NACA: variants seen among roughly 807,000 people sequenced by gnomAD.
NACA encodes the protein nascent polypeptide-associated complex subunit alpha.
In NACA, 42 loss-of-function variants were observed where a neutral mutation model predicts 86.4. The ratio of observed to expected loss-of-function variants is 0.49; its 90% CI spans 0.38 to 0.63. The LOEUF is 0.63. NACA is among the 20% of genes least tolerant of loss of function. The pLI, the probability that NACA is intolerant of heterozygous loss-of-function variation, is 0.00. For synonymous variants in NACA, 898 were observed against 973.7 expected (o/e 0.92, Z 1.45); for missense variants, 2,157 against 2,483.6 (o/e 0.87, Z 2.80).
chr12:56,717,137 G>A lies in NACA; in HGVS notation c.4393C>T (p.Pro1465Ser), dbSNP rs1164857640. Residue 1465 changes from proline (P) to serine (S), a missense_variant, in exon 3 of 9, where the codon CCC becomes TCC. This residue lies in a region of NACA where 797 missense variants were observed against 777.6 expected (regional missense o/e 1.02). Transcript: ENST00000454682. ...GPATPSSKGD[P>S]TLPAVTPPSP... Reference sequence around the variant, plus strand: ...GGAGGAGTCACTGCTGGGAGGGTGGGATCCCCTTTGGAGGATGGGGTAGCT... The same window carrying A: ...GGAGGAGTCACTGCTGGGAGGGTGGAATCCCCTTTGGAGGATGGGGTAGCT... 8.0e-7 allele frequency: 1 copy of A among 1,252,104 alleles called. No homozygotes were observed. Among genetic ancestry groups the A allele is most frequent in the East Asian group, 4.1e-5 (1 of 24,282 alleles). The allele number at this position is 1,252,104 out of a possible 1,614,324, so 77.6% of individuals were successfully genotyped here.
rs535034188 is a variant in NACA at position 56,720,480 on chromosome 12, A to G, written c.1050T>C (p.Tyr350=). ...GAGGAATTACAGATCTCTGAGAAGG[A>G]TAAGAGGCCCCTGTGGAAGAATGAT... ...SVDHSSTGAS[Y]PSQRSVIPPL... The change falls in exon 3 of 9, where the codon TAT becomes TAC. Residue 350 remains tyrosine, a synonymous_variant. Transcript: ENST00000454682. 7 of 1,613,806 alleles carry G rather than the reference A, an allele frequency of 4.3e-6. 1 individual carries two copies. In the South Asian group the frequency reaches 5.5e-5, roughly 13 times the overall value.
At chr12:56,714,223 C>T in intron 5 of NACA, 139 bp downstream of exon 5, 1 of 795,250 alleles carries the variant, frequency 1.3e-6, no homozygotes, top group Non-Finnish European at 2.0e-6. Flanking sequence ...ACAGGTGCAC[C>T]AAAATCTCAA....
rs945230178 is a variant in NACA at position 56,720,712 on chromosome 12, G to A, written c.818C>T (p.Pro273Leu). The change falls in exon 3 of 9, where the codon CCT becomes CTT. Residue 273 changes from proline (P) to leucine (L), a missense_variant. Around this residue, in one of 8 missense-constraint regions of NACA, gnomAD observed 947 missense variants for 917.9 expected, o/e 1.03. Transcript: ENST00000454682. Reference sequence around the variant, plus strand: ...CTGAGTTGAAAGAGATAAGGCAGCAGGTGGACTAACAGGCCCCTTCAGGCT... The same window carrying A: ...CTGAGTTGAAAGAGATAAGGCAGCAAGTGGACTAACAGGCCCCTTCAGGCT... Reference protein sequence around the residue: ...SLSLKGPVSPPAALSLSTQSL... With the variant: ...SLSLKGPVSPLAALSLSTQSL... 5.6e-6 allele frequency: 9 copies of A among 1,613,850 alleles called. No individual in the cohort carries two copies. Among genetic ancestry groups the A allele is most frequent in the East Asian group, 2.2e-5 (1 of 44,902 alleles).
chr12:56,719,338 G>T lies in NACA; in HGVS notation c.2192C>A (p.Pro731Gln). The change falls in exon 3 of 9, where the codon CCA (proline) becomes CAA (glutamine). Residue 731 changes from proline to glutamine, a missense_variant. Transcript: ENST00000454682. The part of the protein sequence containing the change: ...LATLVLAPEI[P>Q]KSVPSPSLPP... The stretch of plus-strand genomic sequence containing the variant: ...AAGAGAGGGTGAGGGCACAGACTTT[G>T]GGATTTCAGGGGCCAGCACTAAGGT... 18 of 1,607,448 alleles carry T rather than the reference G, an allele frequency of 1.1e-5. No homozygotes were observed. Among genetic ancestry groups the T allele is most frequent in the Non-Finnish European group, 1.4e-5 (17 of 1,176,476 alleles).
chr12:56,723,983 A>G (rs1013688291), intron 2 of NACA, among the ~76,000 whole-genome samples: 3 of 152,212 alleles, frequency 2.0e-5, no homozygotes, highest in Non-Finnish European at 4.4e-5. Flanking sequence ...TCTGGGGCCC[A>G]GTAGGACACA....
At chr12:56,714,848 CT>C in intron 3 of NACA, 161 bp from the exon 4 acceptor site, 1 of 647,576 alleles carries the variant, frequency 1.5e-6, no homozygotes, top group East Asian at 2.7e-5. Context: ...TAGCCCCTAA[CT>C]TAGTCACTAA....
chr12:56,724,396 A>G, intron 2 of NACA, 56 bp downstream of exon 2: 1 of 1,534,398 alleles, frequency 6.5e-7, no homozygotes, highest in African/African-American at 1.4e-5. Context: ...CATTTTGCCC[A>G]CCAAATGGCT....
At position 56,714,636 on chromosome 12, in the gene NACA, T is replaced by C. The variant is rs1953301169; in HGVS notation, c.5711A>G (p.Gln1904Arg). ...SDESVPELEE[Q>R]DSTQATTQQA... is the part of the protein sequence containing the mutation. ...TTGTGTGGTTGCCTGGGTGGAATCCTGTTCTTCAAGCTCTGGTACTGATTC... is the reference window on the plus strand; with the variant it reads ...TTGTGTGGTTGCCTGGGTGGAATCCCGTTCTTCAAGCTCTGGTACTGATTC... Residue 1904 changes from glutamine to arginine, a missense_variant, in exon 4 of 9, where the codon CAG (glutamine) becomes CGG (arginine). Around this residue, in one of 8 missense-constraint regions of NACA, gnomAD observed 797 missense variants for 777.6 expected, o/e 1.02. Transcript: ENST00000454682. 6.2e-7 allele frequency: 1 copy of C among 1,614,230 alleles called. No individual in the cohort carries two copies. The highest frequency in any genetic ancestry group is 1.7e-5 in the Admixed American group (1 of 60,028).
rs780390297 is a variant in NACA at position 56,718,488 on chromosome 12, C to T, written c.3042G>A (p.Val1014=). 2.4e-5 allele frequency: 26 copies of T among 1,092,404 alleles called. No individual in the cohort carries two copies. Among genetic ancestry groups the T allele is most frequent in the Middle Eastern group, 4.0e-4 (1 of 2,482 alleles). 67.7% of individuals were successfully genotyped at this position (1,092,404 alleles called of 1,614,324 possible). A position where few individuals can be genotyped will look rare whatever the true frequency, so the allele number is the denominator to read the frequency against. ...GACTTCCTTTGGGGGAGGGAGGAGT[C>T]ACAGCTGGGGGTGTGGGGGCCCCTT... ...SPKGAPTPPA[V]TPPSPKGSPA... Residue 1014 remains valine, a synonymous_variant, in exon 3 of 9, where the codon GTG becomes GTA. Coordinates refer to ENST00000454682, the MANE Select transcript of NACA (RefSeq NM_001365896.1).
At position 56,716,172 on chromosome 12, in the gene NACA, T is replaced by C. The variant is rs745713255; in HGVS notation, c.5358A>G (p.Glu1786=). The C allele has an allele frequency of 4.6e-5, 75 of 1,613,482 alleles. No homozygotes were observed. The highest frequency in any genetic ancestry group is 5.9e-5 in the Non-Finnish European group (70 of 1,179,832). The part of the protein sequence containing the change: ...AAFEKVLPKP[E]SASVSAAPSP... ...AGGGTGCTGCAGAGACAGATGCTGATTCAGGTTTAGGAAGGACCTTCTCAA... is the reference window on the plus strand; with the variant it reads ...AGGGTGCTGCAGAGACAGATGCTGACTCAGGTTTAGGAAGGACCTTCTCAA... Residue 1786 remains glutamate (E), a synonymous_variant, in exon 3 of 9, where the codon GAA becomes GAG. Transcript: ENST00000454682.
Position 56,717,415 on chromosome 12 carries a change from G to A in NACA, c.4115C>T (p.Pro1372Leu), listed in dbSNP as rs1251326101. 4 of 1,377,996 alleles carry A rather than the reference G, an allele frequency of 2.9e-6. No homozygotes were observed. In the South Asian group the frequency reaches 5.1e-5, roughly 18 times the overall value. The allele number at this position is 1,377,996 out of a possible 1,614,324, so 85.4% of individuals were successfully genotyped here. A position where few individuals can be genotyped will look rare whatever the true frequency, so the allele number is the denominator to read the frequency against. The change falls in exon 3 of 9, where the codon CCA becomes CTA. Residue 1372 changes from proline to leucine, a missense_variant. Coordinates refer to ENST00000454682, the MANE Select transcript of NACA (RefSeq NM_001365896.1). ...TPSSKEGPTPPAATPSHKGGP... is the reference protein window; with the variant it reads ...TPSSKEGPTPLAATPSHKGGP... ...TCCTTTGTGGGAGGGGGTTGCAGCTGGGGGAGTGGGGCCCTCTTTGGAGGA... is the reference window on the plus strand; with the variant it reads ...TCCTTTGTGGGAGGGGGTTGCAGCTAGGGGAGTGGGGCCCTCTTTGGAGGA...
Position 56,713,688 on chromosome 12 carries a change from A to G in NACA, c.5824-5T>C, listed in dbSNP as rs1341628044. 6.2e-7 allele frequency: 1 copy of G among 1,613,614 alleles called. No individual in the cohort carries two copies. Among genetic ancestry groups the G allele is most frequent in the Non-Finnish European group, 8.5e-7 (1 of 1,179,734 alleles). ...AAGACCCAGTTTGGACATAGCCTAA[A>G]GAAGAGAAAATAGTATCAGGTTTTC... On this transcript the variant is annotated splice_region_variant and splice_polypyrimidine_tract_variant and intron_variant, in intron 5 of 8. Coordinates refer to ENST00000454682, the MANE Select transcript of NACA (RefSeq NM_001365896.1).
chr12:56,712,577 C>T (rs754675822), intron 8 of NACA, 25 bp from the exon 9 acceptor site: 18 of 1,612,670 alleles, frequency 1.1e-5, no homozygotes, highest in Admixed American at 3.4e-5. Context: ...AGATAATTAG[C>T]GGTTCTTATA....
rs977885149 is a variant in NACA, at chr12:56,714,787, G to C, written c.5660-100C>G. On this transcript the variant is annotated intron_variant, in intron 3 of 8. Coordinates refer to ENST00000454682, the MANE Select transcript of NACA (RefSeq NM_001365896.1). ...GACTAGAGGTGAATGCCTCATGCTA[G>C]ACCTAAGAATGTTAAATGTAAACCA... The C allele has an allele frequency of 3.7e-6, 4 of 1,067,908 alleles. No individual in the cohort carries two copies. The African/African-American group carries it at 4.7e-5, about 13-fold the overall frequency. 66.2% of individuals were successfully genotyped at this position (1,067,908 alleles called of 1,614,324 possible). A position where few individuals can be genotyped will look rare whatever the true frequency, so the allele number is the denominator to read the frequency against.
Position 56,719,380 on chromosome 12 carries a change from G to A in NACA, c.2150C>T (p.Thr717Ile), listed in dbSNP as rs953305395. The A allele has an allele frequency of 6.2e-7, 1 of 1,611,014 alleles. No individual in the cohort carries two copies. Among genetic ancestry groups the A allele is most frequent in the Non-Finnish European group, 8.5e-7 (1 of 1,178,602 alleles). ...NCPVAPSPQN[T>I]CAPLATLVLA... ...CACTAAGGTAGCCAGAGGAGCACAG[G>A]TATTCTGGGGGGATGGAGCCACAGG... The change falls in exon 3 of 9, where the codon ACC (threonine) becomes ATC (isoleucine). Residue 717 changes from threonine (T) to isoleucine (I), a missense_variant. This residue lies in a region of NACA where 947 missense variants were observed against 917.9 expected (regional missense o/e 1.03). Coordinates refer to ENST00000454682, the MANE Select transcript of NACA (RefSeq NM_001365896.1).
rs766097142 is a variant in NACA, at chr12:56,719,681, A to C, written c.1849T>G (p.Ser617Ala). The C allele has an allele frequency of 1.9e-5, 31 of 1,613,740 alleles. No individual in the cohort carries two copies. The highest frequency in any genetic ancestry group is 2.6e-5 in the Non-Finnish European group (31 of 1,179,834). The change falls in exon 3 of 9, where the codon TCG (serine) becomes GCG (alanine). Residue 617 changes from serine to alanine, a missense_variant. By Grantham distance (99) the Ser-to-Ala change is moderately conservative. Transcript: ENST00000454682. ...SMTSPLGVNSSASVIKTDSYA... is the reference protein window; with the variant it reads ...SMTSPLGVNSAASVIKTDSYA... ...GAATCTGTCTTGATTACAGAGGCCG[A>C]GGAGTTAACACCCAGAGGGGAGGTC...
In NACA at chr12:56,721,185, G is replaced by C; in HGVS notation, c.345C>G (p.Ala115=). The change falls in exon 3 of 9, where the codon GCC becomes GCG. Residue 115 remains alanine (A), a synonymous_variant. Coordinates refer to ENST00000454682, the MANE Select transcript of NACA (RefSeq NM_001365896.1). ...CTATCATGGGAGAGGCTAGAGCTAAGGCAGCTGGGGAGATGGGAGGCCCTA... is the reference window on the plus strand; with the variant it reads ...CTATCATGGGAGAGGCTAGAGCTAACGCAGCTGGGGAGATGGGAGGCCCTA... ...NLIGPPISPA[A]LALASPMIAP... is the part of the protein sequence containing the mutation. 1 of 1,613,980 alleles carries C rather than the reference G, an allele frequency of 6.2e-7. No homozygotes were observed. The highest frequency in any genetic ancestry group is 2.2e-5 in the East Asian group (1 of 44,882).
intron 3 of NACA, 89 bp downstream of exon 3, chr12:56,715,782 G>A (rs1953337006): frequency 8.7e-7 from 1 of 1,152,128 alleles, no homozygotes; most frequent in African/African-American, 1.5e-5. Context: ...GGAGAAAGCG[G>A]CGCATCACAG....
chr12:56,720,171 A>G lies in NACA; in HGVS notation c.1359T>C (p.Pro453=), dbSNP rs751756445. 6.2e-7 allele frequency: 1 copy of G among 1,613,984 alleles called. No homozygotes were observed. The highest frequency in any genetic ancestry group is 8.5e-7 in the Non-Finnish European group (1 of 1,179,884). ...AAGTAGCTACCTCAAAGGTAGTAGT[A>G]GGTGCTGCAGCAATTGTACAGGGGT... ...VTNPCTIAAA[P]TTTFEVATCV... is the part of the protein sequence containing the mutation. Residue 453 remains proline, a synonymous_variant, in exon 3 of 9, where the codon CCT becomes CCC. Coordinates refer to ENST00000454682, the MANE Select transcript of NACA (RefSeq NM_001365896.1).
Sources: gnomAD v4.1 joint callset for allele counts (sites outside exome capture counted in the v4.1 genomes callset) on GRCh38, gnomAD v4.1.1 for gene constraint, gnomAD v4.1.1 regional missense constraint, MANE v1.5 for transcripts, NCBI Gene and HGNC (gene_info 2026-07-23, HGNC 2026-07-21) for gene names.